Variants in LMNB2 observed in about 807,000 individuals in gnomAD.
LMNB2 encodes the protein lamin-B2.
A neutral mutation model predicts 69.3 loss-of-function variants in LMNB2; 17 were observed. That is an observed-to-expected ratio of 0.25 (90% confidence interval 0.17 to 0.37). The LOEUF (loss-of-function observed/expected upper bound fraction) is 0.37, where lower values mean the gene tolerates loss of function less well. LMNB2 is among the 10% of genes least tolerant of loss of function. The pLI, the probability that LMNB2 is intolerant of heterozygous loss-of-function variation, is 1.00. For synonymous variants in LMNB2, 397 were observed against 389.3 expected (o/e 1.02, Z -0.23); for missense variants, 789 against 883.6 (o/e 0.89, Z 1.36).
chr19:2,440,821 C>T (rs1370482769), intron 2 of LMNB2, among the ~76,000 whole-genome samples: 2 of 152,156 alleles, frequency 1.3e-5, no homozygotes, highest in African/African-American at 4.8e-5. Context: ...ATCATCCGTC[C>T]ACCCATCCAG....
rs2145442166 is a variant in LMNB2, at chr19:2,430,197, C to T, written c.*714G>A. 6.3e-6 allele frequency: 1 copy of T among 158,058 alleles called. No individual in the cohort carries two copies. Among genetic ancestry groups the T allele is most frequent in the African/African-American group, 2.4e-5 (1 of 41,604 alleles). The allele number at this position is 158,058 out of a possible 1,614,324, so 9.8% of individuals were successfully genotyped here. On this transcript the variant is annotated 3_prime_UTR_variant, in exon 12 of 12. Transcript: ENST00000325327. Reference sequence around the variant, plus strand: ...TTACGACGGGACTGTCCTCATTCTTCCTTCCCCAGGTCTTCCCCTCCCCTG... The same window carrying T: ...TTACGACGGGACTGTCCTCATTCTTTCTTCCCCAGGTCTTCCCCTCCCCTG...
In LMNB2 at chr19:2,433,954, G is replaced by A. The variant is rs772768993; in HGVS notation, c.1354C>T (p.Leu452=). The change falls in exon 8 of 12, where the codon CTG becomes TTG. Residue 452 remains leucine (L), a synonymous_variant. Coordinates refer to ENST00000325327, the MANE Select transcript of LMNB2 (RefSeq NM_032737.4). ...CCGCTGCCACCCGTGCCCGTGCCCA[G>A]GACGCTTGGGCCGCTGCCCAAGGGC... The part of the protein sequence containing the change: ...EEPLGSGPSV[L]GTGTGGSGGF... 6.2e-7 allele frequency: 1 copy of A among 1,611,596 alleles called. No individual in the cohort carries two copies. The highest frequency in any genetic ancestry group is 1.7e-5 in the Admixed American group (1 of 59,962).
At position 2,431,763 on chromosome 19, in the gene LMNB2, C is replaced by A; in HGVS notation, c.1710+20G>T. 6.2e-7 allele frequency: 1 copy of A among 1,613,828 alleles called. No individual in the cohort carries two copies. The highest frequency in any genetic ancestry group is 8.5e-7 in the Non-Finnish European group (1 of 1,179,866). On this transcript the variant is annotated intron_variant, in intron 10 of 11. Coordinates refer to ENST00000325327, the MANE Select transcript of LMNB2 (RefSeq NM_032737.4). ...TGCCCAGGACTCCAGCCGAGCACCC[C>A]CCAAGCCACACACACCCACCTCGCC...
At position 2,430,449 on chromosome 19, in the gene LMNB2, G is replaced by C. The variant is rs988278524; in HGVS notation, c.*462C>G. The C allele has an allele frequency of 3.7e-6, 1 of 267,668 alleles. No individual in the cohort carries two copies. The highest frequency in any genetic ancestry group is 3.9e-5 in the South Asian group (1 of 25,836). 16.6% of individuals were successfully genotyped at this position (267,668 alleles called of 1,614,324 possible). On this transcript the variant is annotated 3_prime_UTR_variant, in exon 12 of 12. Transcript: ENST00000325327. ...TCCGAAGCTGGGCAGCCAGAATGCA[G>C]GCTTGGCCCCGGGCCCCACCAGGTC...
At chr19:2,440,113 T>C (rs1160995426) in intron 2 of LMNB2, among the ~76,000 whole-genome samples, 2 of 146,844 alleles carry the variant, frequency 1.4e-5, no homozygotes, top group Non-Finnish European at 3.1e-5. Context: ...CGTATGTCTG[T>C]CTAAGTATAT....
intron 1 of LMNB2, among the ~76,000 whole-genome samples, chr19:2,456,081 G>T (rs952393916): frequency 4.0e-5 from 6 of 150,156 alleles, no homozygotes; most frequent in African/African-American, 1.5e-4. Context: ...GCCGGGAGTC[G>T]TTCAGAGTCC....
At chr19:2,452,743 G>A (rs1036769955) in intron 1 of LMNB2, among the ~76,000 whole-genome samples, 1 of 152,098 alleles carries the variant, frequency 6.6e-6, no homozygotes, top group African/African-American at 2.4e-5. Flanking sequence ...AAGTGAGAAA[G>A]GCGTGTGTGA....
chr19:2,449,983 G>C (rs1972001415), intron 1 of LMNB2, among the ~76,000 whole-genome samples: 1 of 152,050 alleles, frequency 6.6e-6, no homozygotes, highest in South Asian at 2.1e-4. Flanking sequence ...GCTGAGGCAG[G>C]AGAATCGCTT....
At chr19:2,450,264 A>G (rs932088939) in intron 1 of LMNB2, among the ~76,000 whole-genome samples, 1 of 152,054 alleles carries the variant, frequency 6.6e-6, no homozygotes, top group African/African-American at 2.4e-5. Context: ...ACCTCTAACC[A>G]GGAACGTGGG....
chr19:2,438,039 G>A, intron 4 of LMNB2, 124 bp downstream of exon 4: 4 of 1,414,854 alleles, frequency 2.8e-6, no homozygotes, highest in Middle Eastern at 2.2e-4. Context: ...GCAGGAAGGA[G>A]CCTCCCTAGA....
At chr19:2,448,889 C>T (rs1320495604) in intron 1 of LMNB2, among the ~76,000 whole-genome samples, 1 of 152,094 alleles carries the variant, frequency 6.6e-6, no homozygotes, top group African/African-American at 2.4e-5. Flanking sequence ...TCTTACTGCA[C>T]CTTTCTTGTG....
intron 9 of LMNB2, among the ~76,000 whole-genome samples, 193 bp from the exon 10 acceptor site, chr19:2,432,095 T>C (rs1971748197): frequency 6.6e-6 from 1 of 152,056 alleles, no homozygotes; most frequent in Admixed American, 6.5e-5. Context: ...GGCCAAGGGC[T>C]CTTGGCAAGC....
chr19:2,436,259 G>T (rs1971820111), intron 4 of LMNB2, among the ~76,000 whole-genome samples: 1 of 152,120 alleles, frequency 6.6e-6, no homozygotes, highest in African/African-American at 2.4e-5. Flanking sequence ...CTCCAGCCTG[G>T]GTGACAGAGC....
chr19:2,449,714 T>A (rs563304049), intron 1 of LMNB2, among the ~76,000 whole-genome samples: 2 of 151,470 alleles, frequency 1.3e-5, no homozygotes, highest in Middle Eastern at 3.4e-3. Flanking sequence ...GAGGCAGAGG[T>A]TGCAGTGAGC....
chr19:2,455,121 C>T (rs538719072), intron 1 of LMNB2, among the ~76,000 whole-genome samples: 13 of 152,184 alleles, frequency 8.5e-5, no homozygotes, highest in Non-Finnish European at 1.6e-4. Flanking sequence ...ACCTCTCCCT[C>T]GGCCCCCTAC....
At chr19:2,454,115 A>G (rs1414466042) in intron 1 of LMNB2, among the ~76,000 whole-genome samples, 2 of 152,050 alleles carry the variant, frequency 1.3e-5, no homozygotes, top group African/African-American at 4.8e-5. Flanking sequence ...CAACAAGGCC[A>G]AACTCTGTCT....
chr19:2,451,992 G>A (rs1344825881), intron 1 of LMNB2, among the ~76,000 whole-genome samples: 1 of 152,070 alleles, frequency 6.6e-6, no homozygotes, highest in Non-Finnish European at 1.5e-5. Context: ...AGGCCTGGCA[G>A]GGAAGTACCT....
At chr19:2,436,618 C>T (rs1435011625) in intron 4 of LMNB2, among the ~76,000 whole-genome samples, 1 of 145,296 alleles carries the variant, frequency 6.9e-6, no homozygotes, top group Non-Finnish European at 1.5e-5. Context: ...CCTGCACTGC[C>T]GCCCTCCCAC....
At chr19:2,456,642 C>T (rs1195919546) in intron 1 of LMNB2, 28 bp downstream of exon 1, 2 of 1,463,112 alleles carry the variant, frequency 1.4e-6, no homozygotes, top group Non-Finnish European at 1.8e-6. Context: ...GCTGCACCCC[C>T]GCCCGGCCCC....
Sources: allele counts gnomAD v4.1 joint callset (sites outside exome capture counted in the v4.1 genomes callset), GRCh38; gene constraint gnomAD v4.1.1; transcripts MANE v1.5; gene names NCBI Gene and HGNC (gene_info 2026-07-23, HGNC 2026-07-21).